PACSIN1: variants seen among roughly 807,000 people sequenced by gnomAD.
PACSIN1 encodes the protein protein kinase C and casein kinase substrate in neurons 1, also known as protein kinase C and casein kinase substrate in neurons protein 1.
A neutral mutation model predicts 59.5 loss-of-function variants in PACSIN1; 15 were observed. That is an observed-to-expected ratio of 0.25 (90% CI 0.17 to 0.39). PACSIN1 has a LOEUF of 0.39. PACSIN1 is among the 10% of genes least tolerant of loss of function. The pLI is 1.00. For synonymous variants in PACSIN1, 210 were observed against 220.6 expected (o/e 0.95, Z 0.42); for missense variants, 420 against 580.2 (o/e 0.72, Z 2.84).
chr6:34,530,869 G>A lies in PACSIN1; in HGVS notation c.1037+282G>A, dbSNP rs879015993. On this transcript the variant is annotated intron_variant, in intron 8 of 9. Coordinates refer to ENST00000244458, the MANE Select transcript of PACSIN1 (RefSeq NM_020804.5). The surrounding 1 kb of genome is among the most constrained non-coding windows in gnomAD (Gnocchi z 4.4). ...GGCGTTAGATTCTCCTAAGGAACGT[G>A]CAACCTGGATCCCTCGCATGCGCAG... Among the ~76,000 whole-genome samples, 2 of 152,210 alleles carry A rather than the reference G, an allele frequency of 1.3e-5. No homozygotes were observed. Among genetic ancestry groups the A allele is most frequent in the East Asian group, 3.8e-4 (2 of 5,202 alleles).
rs923539731 is a variant in PACSIN1 at position 34,515,935 on chromosome 6, C to T, written c.-63-10308C>T. ...GCAGGGGAGGAGCTGGGCCCTCTGC[C>T]CCAACTCTGGGCAGGGAGGGGGCTG... is the stretch of plus-strand genomic sequence containing the variant. On this transcript the variant is annotated intron_variant, in intron 1 of 9. Transcript: ENST00000244458. This position sits in a 1 kb window ranked among gnomAD's most constrained non-coding sequence, Gnocchi z 4.4. Among the ~76,000 whole-genome samples, 13 of 151,896 alleles carry T rather than the reference C, an allele frequency of 8.6e-5. No individual in the cohort carries two copies. Among genetic ancestry groups the T allele is most frequent in the Admixed American group, 2.0e-4 (3 of 15,266 alleles).
chr6:34,531,150 G>T lies in PACSIN1; in HGVS notation c.1038-450G>T, dbSNP rs1767586842. On this transcript the variant is annotated intron_variant, in intron 8 of 9. Coordinates refer to ENST00000244458, the MANE Select transcript of PACSIN1 (RefSeq NM_020804.5). This position sits in a 1 kb window ranked among gnomAD's most constrained non-coding sequence, Gnocchi z 4.4. ...CCTACTGTGTGTGGCACGGTTCTAT[G>T]CACTTTCCATATGTTAACTCATTCA... Among the ~76,000 whole-genome samples the T allele has an allele frequency of 6.6e-6, 1 of 152,160 alleles. No individual in the cohort carries two copies. Among genetic ancestry groups the T allele is most frequent in the South Asian group, 2.1e-4 (1 of 4,830 alleles).
At chr6:34,526,858 C>T (rs1767494498) in intron 2 of PACSIN1, among the ~76,000 whole-genome samples, 1 of 152,128 alleles carries the variant, frequency 6.6e-6, no homozygotes, top group African/African-American at 2.4e-5. Flanking sequence ...TTGCTATTGG[C>T]TCCGGAAACC....
intron 1 of PACSIN1, among the ~76,000 whole-genome samples, chr6:34,474,458 T>C (rs1445112305): frequency 6.6e-6 from 1 of 152,036 alleles, no homozygotes; most frequent in Non-Finnish European, 1.5e-5. Flanking sequence ...CTGCTAAAGC[T>C]CTTCAATGAC....
chr6:34,492,856 G>A (rs1467723035), intron 1 of PACSIN1, among the ~76,000 whole-genome samples: 2 of 152,206 alleles, frequency 1.3e-5, no homozygotes, highest in Non-Finnish European at 2.9e-5. Context: ...CTACCTACTG[G>A]ATAGTATGCT....
chr6:34,526,491 G>T, intron 2 of PACSIN1, 123 bp downstream of exon 2: 1 of 734,128 alleles, frequency 1.4e-6, no homozygotes, highest in Non-Finnish European at 2.3e-6. Flanking sequence ...CCCCTCCAAA[G>T]CCCTGGGTGT....
chr6:34,491,010 G>A (rs1312738705), intron 1 of PACSIN1, among the ~76,000 whole-genome samples: 2 of 151,932 alleles, frequency 1.3e-5, no homozygotes, highest in African/African-American at 2.4e-5. Context: ...GGGAGTGCTC[G>A]CCGGGGGTCA....
intron 1 of PACSIN1, among the ~76,000 whole-genome samples, chr6:34,480,888 A>G (rs1242251358): frequency 6.6e-6 from 1 of 151,682 alleles, no homozygotes; most frequent in Admixed American, 6.6e-5. Context: ...TCTTGCAGGT[A>G]TGTGGTTACT....
intron 1 of PACSIN1, among the ~76,000 whole-genome samples, chr6:34,489,157 C>G (rs907882319): frequency 3.4e-5 from 5 of 148,462 alleles, no homozygotes; most frequent in African/African-American, 1.3e-4. Context: ...GCACACCAGC[C>G]TGGGTGATAG....
At chr6:34,513,767 C>G (rs1313041875) in intron 1 of PACSIN1, among the ~76,000 whole-genome samples, 1 of 152,080 alleles carries the variant, frequency 6.6e-6, no homozygotes, top group African/African-American at 2.4e-5. Context: ...CCCACCCCAT[C>G]CCCCTTCAGC....
At chr6:34,526,510 C>G (rs1237130596) in intron 2 of PACSIN1, 142 bp downstream of exon 2, 1 of 645,298 alleles carries the variant, frequency 1.5e-6, no homozygotes, top group East Asian at 2.8e-5. Flanking sequence ...GTCCAACAGG[C>G]AGCGGTAGCC....
chr6:34,531,505 G>T lies in PACSIN1; in HGVS notation c.1038-95G>T. On this transcript the variant is annotated intron_variant, in intron 8 of 9. Coordinates refer to ENST00000244458, the MANE Select transcript of PACSIN1 (RefSeq NM_020804.5). This position sits in a 1 kb window ranked among gnomAD's most constrained non-coding sequence, Gnocchi z 4.4. ...GCCAATCCTTGCTCTAGCCTTGGTAGAATTCGGGATCAGGGCTCTGATTAG... is the reference window on the plus strand; with the variant it reads ...GCCAATCCTTGCTCTAGCCTTGGTATAATTCGGGATCAGGGCTCTGATTAG... The T allele has an allele frequency of 7.7e-7, 1 of 1,298,196 alleles. No individual in the cohort carries two copies. The highest frequency in any genetic ancestry group is 1.9e-5 in the Admixed American group (1 of 52,138). The allele number at this position is 1,298,196 out of a possible 1,614,324, so 80.4% of individuals were successfully genotyped here. A position where few individuals can be genotyped will look rare whatever the true frequency, so the allele number is the denominator to read the frequency against.
rs114901408 is a variant in PACSIN1 at position 34,528,282 on chromosome 6, T to C, written c.221-360T>C. ...CAGCTAACATTCCTGGAGCACCTACTGTGTGCTTGGCGCTGTGCTGGGCTT... is the reference window on the plus strand; with the variant it reads ...CAGCTAACATTCCTGGAGCACCTACCGTGTGCTTGGCGCTGTGCTGGGCTT... On this transcript the variant is annotated intron_variant, in intron 3 of 9. Coordinates refer to ENST00000244458, the MANE Select transcript of PACSIN1 (RefSeq NM_020804.5). Among the ~76,000 whole-genome samples, 1,399 of 152,350 alleles carry C rather than the reference T, an allele frequency of 9.2e-3. 19 individuals carry two copies. The highest frequency in any genetic ancestry group is 0.031 in the African/African-American group (1,300 of 41,568).
intron 1 of PACSIN1, among the ~76,000 whole-genome samples, chr6:34,475,865 T>C (rs2127240512): frequency 6.6e-6 from 1 of 152,332 alleles, no homozygotes; most frequent in Admixed American, 6.5e-5. Flanking sequence ...CTGAGGTTCT[T>C]AGGGCTGAAA....
At chr6:34,509,932 T>C (rs1342005176) in intron 1 of PACSIN1, among the ~76,000 whole-genome samples, 1 of 152,274 alleles carries the variant, frequency 6.6e-6, no homozygotes, top group African/African-American at 2.4e-5. Context: ...ATCAGCTTGA[T>C]GTCTTGAGAT....
At position 34,521,252 on chromosome 6, in the gene PACSIN1, G is replaced by A. The variant is rs1000028980; in HGVS notation, c.-63-4991G>A. On this transcript the variant is annotated intron_variant, in intron 1 of 9. Coordinates refer to ENST00000244458, the MANE Select transcript of PACSIN1 (RefSeq NM_020804.5). The surrounding 1 kb of genome is among the most constrained non-coding windows in gnomAD (Gnocchi z 4.3). ...ATACGGAGAGGACAGGGAGGAGGTGGGGGCTCAGGACCTGCTGGTGGCTGG... is the reference window on the plus strand; with the variant it reads ...ATACGGAGAGGACAGGGAGGAGGTGAGGGCTCAGGACCTGCTGGTGGCTGG... 5.9e-5 allele frequency among the ~76,000 whole-genome samples: 9 copies of A among 152,166 alleles called. No individual in the cohort carries two copies. Among genetic ancestry groups the A allele is most frequent in the East Asian group, 1.9e-4 (1 of 5,190 alleles).
rs1239984855 is a variant in PACSIN1 at position 34,530,131 on chromosome 6, GGCAGCATGCCCA to G, written c.789-108_789-97del. 1 of 1,390,184 alleles carries G rather than the reference GGCAGCATGCCCA, an allele frequency of 7.2e-7. No individual in the cohort carries two copies. The highest frequency in any genetic ancestry group is 9.6e-7 in the Non-Finnish European group (1 of 1,038,706). 86.1% of individuals were successfully genotyped at this position (1,390,184 alleles called of 1,614,324 possible). A position where few individuals can be genotyped will look rare whatever the true frequency, so the allele number is the denominator to read the frequency against. ...GCAAAGCCCACATGATTCCTGGCTG[GGCAGCATGCCCA>G]GCACCCTGCTTCCCTGAGTGGACTC... On this transcript the variant is annotated intron_variant, in intron 6 of 9. Coordinates refer to ENST00000244458, the MANE Select transcript of PACSIN1 (RefSeq NM_020804.5). The surrounding 1 kb of genome is among the most constrained non-coding windows in gnomAD (Gnocchi z 4.4).
chr6:34,481,730 C>T (rs117000053), intron 1 of PACSIN1, among the ~76,000 whole-genome samples: 1,689 of 152,044 alleles, frequency 0.011, 40 homozygotes, highest in East Asian at 0.094. Context: ...GTTCTACGTT[C>T]CTCAGAGCTG....
At chr6:34,504,004 AT>A (rs1479568343) in intron 1 of PACSIN1, among the ~76,000 whole-genome samples, 2 of 151,534 alleles carry the variant, frequency 1.3e-5, no homozygotes, top group African/African-American at 2.4e-5. Context: ...TTTTGTATAG[AT>A]TTTTTTTAGT....
Sources: gnomAD v4.1 joint callset for allele counts (sites outside exome capture counted in the v4.1 genomes callset) on GRCh38, gnomAD v4.1.1 for gene constraint, Gnocchi (gnomAD v3.1) non-coding constraint, MANE v1.5 for transcripts, NCBI Gene and HGNC (gene_info 2026-07-23, HGNC 2026-07-21) for gene names.